The following NKIRAS1 variants were observed in gnomAD, a reference collection of about 807,000 sequenced individuals.
The protein encoded by NKIRAS1 is NF-kappa-B inhibitor-interacting Ras-like protein 1.
Under a neutral mutation model 19.8 loss-of-function variants are expected in NKIRAS1, and 16 were observed. The ratio of observed to expected loss-of-function variants is 0.81; its 90% CI spans 0.55 to 1.23. The LOEUF (loss-of-function observed/expected upper bound fraction) is 1.23. Among genes scored for constraint, NKIRAS1 ranks in the 50% most tolerant of loss-of-function variants. The pLI, the probability that NKIRAS1 is intolerant of heterozygous loss-of-function variation, is 0.00. For synonymous variants in NKIRAS1, 88 were observed against 79.0 expected (o/e 1.11, Z -0.61); for missense variants, 184 against 220.0 (o/e 0.84, Z 1.04).
upstream of NKIRAS1, chr3:23,920,172 A>G (rs1704993570): frequency 3.0e-6 from 3 of 985,870 alleles, no homozygotes; most frequent in African/African-American, 5.2e-5. Flanking sequence ...TGGCCATTAG[A>G]TAAATACCTT....
intron 3 of NKIRAS1, among the ~76,000 whole-genome samples, chr3:23,906,431 G>A (rs60783138): frequency 0.014 from 2,104 of 152,252 alleles, 57 homozygotes; most frequent in African/African-American, 0.048. Context: ...ATACTATACT[G>A]CTCTGCTGAG....
chr3:23,890,478 C>T lies in NKIRAS1; in HGVS notation c.*2617G>A. The T allele has an allele frequency of 6.3e-7, 1 of 1,597,360 alleles. No individual in the cohort carries two copies. The highest frequency in any genetic ancestry group is 2.3e-5 in the East Asian group (1 of 44,160). Reference sequence around the variant, plus strand: ...AAAGTTTAAAATGTTCTTTTCCTTTCTCCAAAGTAATCTACATTCTTTTCT... The same window carrying T: ...AAAGTTTAAAATGTTCTTTTCCTTTTTCCAAAGTAATCTACATTCTTTTCT... On this transcript the variant is annotated 3_prime_UTR_variant, in exon 5 of 5. Transcript: ENST00000425478.
chr3:23,946,066 C>T (rs779449989), intron 1 of NKIRAS1: 1 of 982,570 alleles, frequency 1.0e-6, no homozygotes, highest in Non-Finnish European at 1.2e-6. Context: ...GCGCCGCAGC[C>T]TCCCGGGAGG....
At chr3:23,929,599 T>TG (rs1705271269) in intron 1 of NKIRAS1, among the ~76,000 whole-genome samples, 1 of 149,618 alleles carries the variant, frequency 6.7e-6, no homozygotes, top group Non-Finnish European at 1.5e-5. Flanking sequence ...GCTAATTTTT[T>TG]TTGTTGTTGT....
intron 3 of NKIRAS1, among the ~76,000 whole-genome samples, chr3:23,904,361 G>C (rs1049851903): frequency 5.3e-5 from 8 of 152,178 alleles, no homozygotes; most frequent in Non-Finnish European, 7.3e-5. Flanking sequence ...AGTCCCTACT[G>C]CAAGATGGAG....
In NKIRAS1 at chr3:23,890,657, C is replaced by T. The variant is rs746285024; in HGVS notation, c.*2438G>A. 3 of 1,339,760 alleles carry T rather than the reference C, an allele frequency of 2.2e-6. No homozygotes were observed. Among genetic ancestry groups the T allele is most frequent in the East Asian group, 5.1e-5 (2 of 39,512 alleles). 83.0% of individuals were successfully genotyped at this position (1,339,760 alleles called of 1,614,324 possible). On this transcript the variant is annotated 3_prime_UTR_variant, in exon 5 of 5. Transcript: ENST00000425478. The stretch of plus-strand genomic sequence containing the variant: ...ATTTGTCTGTCACAGAAGAGAGCTG[C>T]TTATGATTTTGAAGGGGTCAGGGAG...
At position 23,933,062 on chromosome 3, in the gene NKIRAS1, G is replaced by C. The variant is rs146790278; in HGVS notation, c.-140+13261C>G. 7.6e-3 allele frequency among the ~76,000 whole-genome samples: 1,164 copies of C among 152,260 alleles called. 6 individuals are homozygous for C. The highest frequency in any genetic ancestry group is 0.017 in the Middle Eastern group (5 of 294). Reference sequence around the variant, plus strand: ...AAGGCTCCTTGAGATATGGAAGAGGGAGGCAGAAGAACATGAGAGCCAGAG... The same window carrying C: ...AAGGCTCCTTGAGATATGGAAGAGGCAGGCAGAAGAACATGAGAGCCAGAG... On this transcript the variant is annotated intron_variant, in intron 1 of 4. Transcript: ENST00000421515.
intron 1 of NKIRAS1, chr3:23,945,445 G>A (rs1322638121): frequency 1.2e-5 from 4 of 342,956 alleles, no homozygotes; most frequent in Non-Finnish European, 1.7e-5. Context: ...CGGGAGCCCC[G>A]CCCGCTCTGC....
intron 1 of NKIRAS1, among the ~76,000 whole-genome samples, chr3:23,937,240 G>A (rs6763220): frequency 0.64 from 97,315 of 151,668 alleles, 31,451 homozygotes; most frequent in Middle Eastern, 0.73. Context: ...TTTGCCGGGC[G>A]TGTGCCTGTA....
intron 4 of NKIRAS1, among the ~76,000 whole-genome samples, chr3:23,897,051 T>A (rs1702064979): frequency 6.6e-6 from 1 of 151,270 alleles, no homozygotes; most frequent in South Asian, 2.1e-4. Context: ...TGCAAAAAAA[T>A]AAAAATAAAA....
intron 1 of NKIRAS1, chr3:23,923,856 C>T (rs1295570798): frequency 6.6e-6 from 1 of 152,140 alleles, no homozygotes; most frequent in African/African-American, 2.4e-5. Context: ...GGATATCTGC[C>T]AGTCTGTTAG....
At chr3:23,912,321 A>G (rs1703826341) in intron 1 of NKIRAS1, among the ~76,000 whole-genome samples, 1 of 152,208 alleles carries the variant, frequency 6.6e-6, no homozygotes, top group Non-Finnish European at 1.5e-5. Flanking sequence ...CAGAATCCAC[A>G]AAGAACTTAA....
intron 1 of NKIRAS1, among the ~76,000 whole-genome samples, chr3:23,939,540 G>A (rs1158029632): frequency 6.6e-6 from 1 of 152,102 alleles, no homozygotes; most frequent in African/African-American, 2.4e-5. Context: ...CCAGGAGTTC[G>A]AGAACAGCCT....
At chr3:23,918,491 T>C, upstream of NKIRAS1, 1 of 1,613,778 alleles carries the variant, frequency 6.2e-7, no homozygotes, top group Non-Finnish European at 8.5e-7. Flanking sequence ...AAACGCCCAG[T>C]TCCTAAGGGT....
In NKIRAS1 at chr3:23,926,622, T is replaced by C. The variant is rs944900570; in HGVS notation, c.-139-15172A>G. Among the ~76,000 whole-genome samples, 7 of 152,202 alleles carry C rather than the reference T, an allele frequency of 4.6e-5. No individual in the cohort carries two copies. Among genetic ancestry groups the C allele is most frequent in the African/African-American group, 1.4e-4 (6 of 41,446 alleles). ...CATATGAGAATAGTATTTGTTGCTATAGATATTTTAATTGTATAATTACCA... is the reference window on the plus strand; with the variant it reads ...CATATGAGAATAGTATTTGTTGCTACAGATATTTTAATTGTATAATTACCA... On this transcript the variant is annotated intron_variant, in intron 1 of 4. Coordinates refer to the NKIRAS1 transcript ENST00000421515. This position sits in a 1 kb window ranked among gnomAD's most constrained non-coding sequence, Gnocchi z 4.3.
At chr3:23,918,377 C>T (rs1704814940), upstream of NKIRAS1, 4 of 1,548,838 alleles carry the variant, frequency 2.6e-6, no homozygotes, top group African/African-American at 5.5e-5. Context: ...AGTGACAAGC[C>T]ATTGAGTCTT....
At chr3:23,913,098 T>TGATAATATGATTATCAG (rs1703948932) in intron 1 of NKIRAS1, among the ~76,000 whole-genome samples, 1 of 151,506 alleles carries the variant, frequency 6.6e-6, no homozygotes, top group South Asian at 2.1e-4. Context: ...GATCACTCAT[T>TGATAATATGATTATCAG]GATAATATGA....
intron 3 of NKIRAS1, among the ~76,000 whole-genome samples, chr3:23,904,670 CACAG>C (rs1288733785): frequency 1.3e-5 from 2 of 152,068 alleles, no homozygotes; most frequent in Admixed American, 6.6e-5. Flanking sequence ...AAAAAGTTTC[CACAG>C]ACAAAGCATC....
At chr3:23,918,463 G>A (rs760039869), upstream of NKIRAS1, 31 of 1,612,878 alleles carry the variant, frequency 1.9e-5, no homozygotes, top group Admixed American at 1.0e-4. Context: ...TAGGATTCGT[G>A]TTCGCCGTGG....
Sources: allele counts gnomAD v4.1 joint callset (sites outside exome capture counted in the v4.1 genomes callset), GRCh38; gene constraint gnomAD v4.1.1; non-coding constraint Gnocchi (gnomAD v3.1); transcripts MANE v1.5; gene names NCBI Gene and HGNC (gene_info 2026-07-23, HGNC 2026-07-21).